FOXN3: variants seen among roughly 807,000 people sequenced by gnomAD.
FOXN3 encodes forkhead box N3.
Under a neutral mutation model 38.4 loss-of-function variants are expected in FOXN3, and 7 were observed. The ratio of observed to expected loss-of-function variants is 0.18; its 90% CI spans 0.10 to 0.34. FOXN3 has a LOEUF of 0.34. Ranked by LOEUF, FOXN3 falls within the 10% of genes least tolerant of loss-of-function variation. The probability of loss-of-function intolerance (pLI) is 1.00; values close to 1 mark genes in which losing one functional copy is unlikely to be tolerated. For synonymous variants in FOXN3, 230 were observed against 242.2 expected (o/e 0.95, Z 0.47); for missense variants, 456 against 613.4 (o/e 0.74, Z 2.71).
chr14:89,412,841 G>A lies in FOXN3; in HGVS notation c.-14-351C>T, dbSNP rs924257714. Among the ~76,000 whole-genome samples the A allele has an allele frequency of 6.6e-6, 1 of 152,146 alleles. No individual in the cohort carries two copies. The highest frequency in any genetic ancestry group is 2.4e-5 in the African/African-American group (1 of 41,418). On this transcript the variant is annotated intron_variant, in intron 1 of 5. Transcript: ENST00000557258. The surrounding 1 kb of genome is among the most constrained non-coding windows in gnomAD (Gnocchi z 4.7). ...TTGAGACCAGGAGACCAGTTTTAAA[G>A]TACGTTAAATTTTACTGTGAATTAT...
In FOXN3 at chr14:89,326,769, C is replaced by T. The variant is rs576098683; in HGVS notation, c.680+23903G>A. Among the ~76,000 whole-genome samples, 4 of 152,266 alleles carry T rather than the reference C, an allele frequency of 2.6e-5. No individual in the cohort carries two copies. In the South Asian group the frequency reaches 8.3e-4, roughly 32 times the overall value. On this transcript the variant is annotated intron_variant, in intron 3 of 5. Transcript: ENST00000557258. The stretch of plus-strand genomic sequence containing the variant: ...TATGACTCTTCAGACAACCAGCAAC[C>T]ACTTACCACTATTCAATGCAAACAC...
chr14:89,530,308 G>C (rs1044593078), intron 1 of FOXN3, among the ~76,000 whole-genome samples: 1 of 152,148 alleles, frequency 6.6e-6, no homozygotes, highest in Admixed American at 6.5e-5. Context: ...AGGAAGACAT[G>C]ACAATCATGG....
At chr14:89,522,030 A>G (rs1894330215) in intron 1 of FOXN3, among the ~76,000 whole-genome samples, 1 of 150,840 alleles carries the variant, frequency 6.6e-6, no homozygotes, top group African/African-American at 2.4e-5. Context: ...AAAAAAAAAG[A>G]AAAAAGAAAG....
Position 89,511,208 on chromosome 14 carries a change from TTTCTTTCTTTC to T in FOXN3, c.-14-98729_-14-98719del, listed in dbSNP as rs1596303119. ...TTCTTTCTTTTCTTTCTTTCTTTTCTTTCTTTCTTTCTTTCTTTCTTTTCTTTCCTTTTCTT... is the reference window on the plus strand; with the variant it reads ...TTCTTTCTTTTCTTTCTTTCTTTTCTTTTCTTTCTTTTCTTTCCTTTTCTT... On this transcript the variant is annotated intron_variant, in intron 1 of 6. Transcript: ENST00000345097. 3.8e-4 allele frequency among the ~76,000 whole-genome samples: 6 copies of T among 15,870 alleles called. 2 individuals carry two copies. The Admixed American group carries it at 4.3e-3, about 11-fold the overall frequency. 10.4% of individuals were successfully genotyped at this position (15,870 alleles called of 152,430 possible). A position where few individuals can be genotyped will look rare whatever the true frequency, so the allele number is the denominator to read the frequency against.
intron 5 of FOXN3, among the ~76,000 whole-genome samples, chr14:89,171,074 A>G (rs563163922): frequency 6.6e-6 from 1 of 152,146 alleles, no homozygotes; most frequent in African/African-American, 2.4e-5. Context: ...AAAAAAATCT[A>G]TGGCGAAATT....
chr14:89,522,469 ACTTT>A (rs1410690286), intron 1 of FOXN3, among the ~76,000 whole-genome samples: 1 of 152,200 alleles, frequency 6.6e-6, no homozygotes, highest in African/African-American at 2.4e-5. Context: ...ATATAAAATA[ACTTT>A]CTTTCTTATT....
intron 1 of FOXN3, among the ~76,000 whole-genome samples, chr14:89,511,237 CTTTTCTTTCTTTTCTTTCTTTCT>C (rs1894075218): frequency 3.9e-5 from 1 of 25,718 alleles, no homozygotes; most frequent in Non-Finnish European, 8.7e-5. Context: ...CTTTTCTTTC[CTTTTCTTTCTTTTCTTTCTTTCT>C]TTCTTTCTTT....
chr14:89,538,008 A>T (rs149592033), intron 1 of FOXN3, among the ~76,000 whole-genome samples: 5 of 152,224 alleles, frequency 3.3e-5, no homozygotes, highest in Admixed American at 6.5e-5. Context: ...GAGGCTTTCA[A>T]TTGGAACTGA....
intron 1 of FOXN3, among the ~76,000 whole-genome samples, chr14:89,538,105 T>C (rs1234256447): frequency 2.0e-5 from 3 of 152,194 alleles, no homozygotes; most frequent in Non-Finnish European, 4.4e-5. Context: ...CTGCAGCTTC[T>C]CAAATTTCTC....
chr14:89,215,156 T>A (rs1295133361), intron 4 of FOXN3, among the ~76,000 whole-genome samples: 2 of 152,070 alleles, frequency 1.3e-5, no homozygotes, highest in Admixed American at 1.3e-4. Flanking sequence ...TATTCAAGTT[T>A]CATTAGATAC....
At position 89,162,357 on chromosome 14, in the gene FOXN3, C is replaced by T. The variant is rs1293185708; in HGVS notation, c.*57G>A. The T allele has an allele frequency of 7.2e-7, 1 of 1,390,150 alleles. No individual in the cohort carries two copies. Among genetic ancestry groups the T allele is most frequent in the Non-Finnish European group, 9.6e-7 (1 of 1,039,182 alleles). The allele number at this position is 1,390,150 out of a possible 1,614,324, so 86.1% of individuals were successfully genotyped here. A position where few individuals can be genotyped will look rare whatever the true frequency, so the allele number is the denominator to read the frequency against. The stretch of plus-strand genomic sequence containing the variant: ...GATATTGCCACAAATCATTAGAAAT[C>T]TCCTGACATGCTGAAACCAAATGGT... On this transcript the variant is annotated 3_prime_UTR_variant, in exon 6 of 6. Transcript: ENST00000557258. The surrounding 1 kb of genome is among the most constrained non-coding windows in gnomAD (Gnocchi z 7.2).
chr14:89,402,831 C>T (rs982535201), intron 2 of FOXN3, among the ~76,000 whole-genome samples: 1 of 152,224 alleles, frequency 6.6e-6, no homozygotes, highest in Admixed American at 6.5e-5. Context: ...TGGAGAAATA[C>T]GCCCCTAGCT....
chr14:89,615,116 A>ATTTTTTT (rs374606775), intron 1 of FOXN3, among the ~76,000 whole-genome samples: 30 of 106,756 alleles, frequency 2.8e-4, no homozygotes, highest in Middle Eastern at 6.7e-3. Context: ...CCCAATTTCG[A>ATTTTTTT]TTTTTTTTTT....
intron 3 of FOXN3, among the ~76,000 whole-genome samples, chr14:89,288,843 C>T (rs906011298): frequency 6.7e-6 from 1 of 149,852 alleles, no homozygotes. Context: ...TTTTTCAACA[C>T]TACGTACTGA....
intron 2 of FOXN3, among the ~76,000 whole-genome samples, chr14:89,390,296 T>TCC (rs1440083655): frequency 6.8e-5 from 8 of 117,802 alleles, no homozygotes; most frequent in Non-Finnish European, 1.5e-4. Context: ...GTTCTCTTTC[T>TCC]CTCTCTCTCT....
At position 89,415,604 on chromosome 14, in the gene FOXN3, C is replaced by CAAAAAAAAAAAAAAA. The variant is rs34026101; in HGVS notation, c.-15+1252_-15+1266dup. Among the ~76,000 whole-genome samples the CAAAAAAAAAAAAAAA allele has an allele frequency of 2.4e-4, 13 of 54,268 alleles. 1 individual carries two copies. The highest frequency in any genetic ancestry group is 4.5e-4 in the African/African-American group (8 of 17,864). The allele number at this position is 54,268 out of a possible 152,430, so 35.6% of individuals were successfully genotyped here. A position where few individuals can be genotyped will look rare whatever the true frequency, so the allele number is the denominator to read the frequency against. ...AAAAACAAAACAAAACAACAATAAC[C>CAAAAAAAAAAAAAAA]AAAAAAAAAAAAAAAAAAAAAAAAA... On this transcript the variant is annotated intron_variant, in intron 1 of 5. Coordinates refer to ENST00000557258, the MANE Select transcript of FOXN3 (RefSeq NM_005197.4).
intron 1 of FOXN3, among the ~76,000 whole-genome samples, chr14:89,494,493 T>A (rs1449179924): frequency 6.6e-6 from 1 of 152,214 alleles, no homozygotes; most frequent in Non-Finnish European, 1.5e-5. Context: ...CTGCAATGGA[T>A]CCTTTCCTGA....
At chr14:89,506,997 G>A (rs1283563705) in intron 1 of FOXN3, among the ~76,000 whole-genome samples, 7 of 152,220 alleles carry the variant, frequency 4.6e-5, no homozygotes, top group East Asian at 1.9e-4. Context: ...GCGCAAGGCC[G>A]CAGGGTCCTC....
intron 4 of FOXN3, among the ~76,000 whole-genome samples, chr14:89,182,136 G>T (rs1887690644): frequency 6.6e-6 from 1 of 152,206 alleles, no homozygotes; most frequent in Admixed American, 6.5e-5. Context: ...CATTAGGTGT[G>T]TAAGCCAATA....
Sources: gnomAD v4.1 joint callset for allele counts (sites outside exome capture counted in the v4.1 genomes callset) on GRCh38, gnomAD v4.1.1 for gene constraint, Gnocchi (gnomAD v3.1) non-coding constraint, MANE v1.5 for transcripts, NCBI Gene and HGNC (gene_info 2026-07-23, HGNC 2026-07-21) for gene names.